Variants in MARCHF4 observed in about 807,000 individuals in gnomAD.
MARCHF4 encodes the protein membrane associated ring-CH-type finger 4.
In MARCHF4, 14 loss-of-function variants were observed where a neutral mutation model predicts 43.9. That is an observed-to-expected ratio of 0.32 (90% confidence interval 0.21 to 0.50). The LOEUF is 0.50. MARCHF4 is among the 20% of genes least tolerant of loss of function. The pLI is 0.98. For synonymous variants in MARCHF4, 226 were observed against 213.3 expected (o/e 1.06, Z -0.52); for missense variants, 468 against 536.7 (o/e 0.87, Z 1.27).
intron 1 of MARCHF4, among the ~76,000 whole-genome samples, chr2:216,285,776 A>G (rs1363902786): frequency 6.6e-6 from 1 of 152,324 alleles, no homozygotes; most frequent in Admixed American, 6.5e-5. Context: ...GGAGGGGTGG[A>G]ATTCCTCATT....
chr2:216,259,678 A>C lies in MARCHF4; in HGVS notation c.867T>G (p.Gly289=). 6.2e-7 allele frequency: 1 copy of C among 1,612,058 alleles called. No individual in the cohort carries two copies. The highest frequency in any genetic ancestry group is 8.5e-7 in the Non-Finnish European group (1 of 1,178,338). ...MYGFMDVVCI[G]LIIHEGPSVY... ...CCGAGGGTCCTTCATGGATGATGAG[A>C]CCTGAGGCAGCAGGGAGAGGAGAAA... Residue 289 remains glycine (G), a splice_region_variant and synonymous_variant, in exon 4 of 4, where the codon GGT becomes GGG. Coordinates refer to ENST00000273067, the MANE Select transcript of MARCHF4 (RefSeq NM_020814.3).
chr2:216,284,228 G>A (rs1055496299), intron 1 of MARCHF4, among the ~76,000 whole-genome samples: 4 of 151,496 alleles, frequency 2.6e-5, no homozygotes, highest in African/African-American at 9.7e-5. Flanking sequence ...TGGGGATCTA[G>A]GAGGTTGGAC....
chr2:216,302,226 A>T (rs538754248), intron 1 of MARCHF4, among the ~76,000 whole-genome samples: 419 of 149,240 alleles, frequency 2.8e-3, no homozygotes, highest in African/African-American at 9.8e-3. Context: ...TCAAAAAAAA[A>T]TTTTTTTTTT....
chr2:216,320,834 CTTTT>C (rs1181410298), intron 1 of MARCHF4, among the ~76,000 whole-genome samples: 1 of 116,830 alleles, frequency 8.6e-6, no homozygotes, highest in Non-Finnish European at 1.8e-5. Flanking sequence ...CCATGCCTGG[CTTTT>C]TTTTTTTTTT....
rs1290117066 is a variant in MARCHF4 at position 216,259,345 on chromosome 2, G to C, written c.1200C>G (p.Ser400Arg). The C allele has an allele frequency of 1.3e-6, 2 of 1,574,502 alleles. No individual in the cohort carries two copies. The highest frequency in any genetic ancestry group is 1.7e-6 in the Non-Finnish European group (2 of 1,157,524). The change falls in exon 4 of 4, where the codon AGC (serine) becomes AGG (arginine). Residue 400 changes from serine to arginine, a missense_variant. By Grantham distance (110) the Ser-to-Arg change is moderately radical. Transcript: ENST00000273067. ...PHEQRSPPGS[S>R]RELVMRVTTV ...TCGTGACTCTCATGACCAGCTCTCG[G>C]CTGCTGCCTGGGGGACTTCGCTGTT...
At chr2:216,300,337 G>GATATATATATATGTATAT (rs1691472914) in intron 1 of MARCHF4, among the ~76,000 whole-genome samples, 3 of 124,180 alleles carry the variant, frequency 2.4e-5, no homozygotes, top group Admixed American at 7.5e-5. Flanking sequence ...TGTCCATCTC[G>GATATATATATATGTATAT]ATATATATAT....
In MARCHF4 at chr2:216,369,880, A is replaced by G; in HGVS notation, c.381T>C (p.Pro127=). ...AGGAGGCACTGCTGAGCAGCGAGGC[A>G]GGTGGCTCTGTGGCTGGGCCACCCC... ...DDWGGPATEP[P]ASLLSSASSD... is the part of the protein sequence containing the mutation. Residue 127 remains proline (P), a synonymous_variant, in exon 1 of 4, where the codon CCT becomes CCC. Transcript: ENST00000273067. 1 of 1,613,964 alleles carries G rather than the reference A, an allele frequency of 6.2e-7. No homozygotes were observed. Among genetic ancestry groups the G allele is most frequent in the South Asian group, 1.1e-5 (1 of 91,066 alleles).
At chr2:216,348,893 A>AT (rs1183937940) in intron 1 of MARCHF4, among the ~76,000 whole-genome samples, 1 of 152,028 alleles carries the variant, frequency 6.6e-6, no homozygotes, top group Non-Finnish European at 1.5e-5. Flanking sequence ...TTCCACTAAC[A>AT]TCCTATTTTT....
chr2:216,343,813 G>A (rs1692269671), intron 1 of MARCHF4, among the ~76,000 whole-genome samples: 1 of 152,212 alleles, frequency 6.6e-6, no homozygotes, highest in African/African-American at 2.4e-5. Context: ...GATCAGGATT[G>A]TAACTGAAGT....
At chr2:216,307,570 A>G (rs1691609694) in intron 1 of MARCHF4, among the ~76,000 whole-genome samples, 1 of 152,114 alleles carries the variant, frequency 6.6e-6, no homozygotes, top group Non-Finnish European at 1.5e-5. Context: ...TTTTCTCCAA[A>G]GGTATCCTAT....
chr2:216,268,378 A>C (rs1690878923), intron 3 of MARCHF4, among the ~76,000 whole-genome samples: 1 of 152,198 alleles, frequency 6.6e-6, no homozygotes, highest in African/African-American at 2.4e-5. Flanking sequence ...CCCGTGTATC[A>C]AGAAAGGGAC....
At chr2:216,292,049 T>C (rs1204546894) in intron 1 of MARCHF4, among the ~76,000 whole-genome samples, 1 of 152,222 alleles carries the variant, frequency 6.6e-6, no homozygotes, top group African/African-American at 2.4e-5. Context: ...TCCCCTGTTA[T>C]CATATTAACA....
chr2:216,296,976 T>C (rs1281914217), intron 1 of MARCHF4, among the ~76,000 whole-genome samples: 2 of 152,320 alleles, frequency 1.3e-5, no homozygotes, highest in East Asian at 3.9e-4. Flanking sequence ...GTGATAGCCG[T>C]GCCAGAGTCT....
intron 1 of MARCHF4, among the ~76,000 whole-genome samples, chr2:216,304,030 G>C (rs568063862): frequency 2.1e-4 from 32 of 152,286 alleles, no homozygotes; most frequent in African/African-American, 7.7e-4. Context: ...CTTGGAAAGA[G>C]AAATTTAGGG....
At chr2:216,367,413 A>C (rs1692684002) in intron 1 of MARCHF4, among the ~76,000 whole-genome samples, 1 of 148,664 alleles carries the variant, frequency 6.7e-6, no homozygotes, top group African/African-American at 2.5e-5. Context: ...AGTTTCCCTT[A>C]TCTCCCCTCC....
At position 216,259,536 on chromosome 2, in the gene MARCHF4, A is replaced by G; in HGVS notation, c.1009T>C (p.Ser337Pro). Reference sequence around the variant, plus strand: ...GGGATATTGGCCTGGGTGGATGAGGAGGTCCGGGGGTTGGTCCTGCCTCCT... The same window carrying G: ...GGGATATTGGCCTGGGTGGATGAGGGGGTCCGGGGGTTGGTCCTGCCTCCT... ...KAGGRTNPRT[S>P]SSTQANIPSS... Residue 337 changes from serine (S) to proline (P), a missense_variant, in exon 4 of 4, where the codon TCC becomes CCC. Transcript: ENST00000273067. 6.2e-7 allele frequency: 1 copy of G among 1,614,032 alleles called. No individual in the cohort carries two copies. Among genetic ancestry groups the G allele is most frequent in the East Asian group, 2.2e-5 (1 of 44,850 alleles).
At position 216,347,879 on chromosome 2, in the gene MARCHF4, G is replaced by C. The variant is rs529891434; in HGVS notation, c.516+21866C>G. On this transcript the variant is annotated intron_variant, in intron 1 of 3. Transcript: ENST00000273067. ...GAACTACTTCCAGACTTACCAAAAA[G>C]TTGCAAAAATACAGTTTTCATACAT... Among the ~76,000 whole-genome samples, 25 of 145,910 alleles carry C rather than the reference G, an allele frequency of 1.7e-4. 1 individual carries two copies. The highest frequency in any genetic ancestry group is 6.4e-4 in the African/African-American group (25 of 39,146).
At chr2:216,368,769 C>T (rs1692706279) in intron 1 of MARCHF4, among the ~76,000 whole-genome samples, 1 of 152,226 alleles carries the variant, frequency 6.6e-6, no homozygotes, top group African/African-American at 2.4e-5. Flanking sequence ...TCCAGCATCA[C>T]TAACTGCGTG....
In MARCHF4 at chr2:216,370,404, A is replaced by G; in HGVS notation, c.-144T>C. 1.7e-6 allele frequency: 1 copy of G among 605,782 alleles called. No homozygotes were observed. The highest frequency in any genetic ancestry group is 2.8e-6 in the Non-Finnish European group (1 of 359,732). 37.5% of individuals were successfully genotyped at this position (605,782 alleles called of 1,614,324 possible). On this transcript the variant is annotated 5_prime_UTR_variant, in exon 1 of 4. Coordinates refer to ENST00000273067, the MANE Select transcript of MARCHF4 (RefSeq NM_020814.3). Reference sequence around the variant, plus strand: ...GGCTTTTCTTACAACCCCTCCAAGTAGCAAATAAATTGCTCCCAGGACTGA... The same window carrying G: ...GGCTTTTCTTACAACCCCTCCAAGTGGCAAATAAATTGCTCCCAGGACTGA...
Sources: gnomAD v4.1 joint callset for allele counts (sites outside exome capture counted in the v4.1 genomes callset) on GRCh38, gnomAD v4.1.1 for gene constraint, MANE v1.5 for transcripts, NCBI Gene and HGNC (gene_info 2026-07-23, HGNC 2026-07-21) for gene names.